Variants in PGS1 observed in about 807,000 individuals in gnomAD.
The protein encoded by PGS1 is CDP-diacylglycerol--glycerol-3-phosphate 3-phosphatidyltransferase, mitochondrial.
In PGS1, 44 loss-of-function variants were observed where a neutral mutation model predicts 58.3. The ratio of observed to expected loss-of-function variants is 0.75; its 90% CI spans 0.59 to 0.97. PGS1 has a LOEUF of 0.97. Ranked by LOEUF, PGS1 falls within the 50% of genes least tolerant of loss-of-function variation. The probability of loss-of-function intolerance (pLI) is 0.00; values close to 1 mark genes in which losing one functional copy is unlikely to be tolerated. For missense variants in PGS1, 684 were observed against 731.1 expected, an observed-to-expected ratio of 0.94 and a Z score of 0.74; for synonymous variants, 330 against 311.0, an observed-to-expected ratio of 1.06 and a Z score of -0.64.
chr17:78,419,915 G>T (rs2085547479), intron 9 of PGS1: 1 of 1,241,002 alleles, frequency 8.1e-7, no homozygotes, highest in Admixed American at 3.4e-5. Flanking sequence ...AGGCGCCTGT[G>T]CTGGGGTCGG....
At chr17:78,396,063 G>A (rs17561950) in intron 2 of PGS1, among the ~76,000 whole-genome samples, 69,174 of 152,162 alleles carry the variant, frequency 0.45, 16,240 homozygotes, top group Admixed American at 0.52. Flanking sequence ...CTTAATGGCC[G>A]TGTTGCATTT....
intron 8 of PGS1, among the ~76,000 whole-genome samples, chr17:78,416,694 G>A (rs1598386094): frequency 6.6e-6 from 1 of 152,352 alleles, no homozygotes; most frequent in East Asian, 1.9e-4. Context: ...GGAGGGTGGA[G>A]GGTGGTAGGT....
chr17:78,423,640 C>G (rs143472261), intron 9 of PGS1: 90 of 443,524 alleles, frequency 2.0e-4, no homozygotes, highest in African/African-American at 1.5e-3. Flanking sequence ...GGGCCTTTCC[C>G]CAAAGCCTGA....
intron 8 of PGS1, among the ~76,000 whole-genome samples, chr17:78,417,780 GGA>G: frequency 6.6e-6 from 1 of 151,900 alleles, no homozygotes; most frequent in Non-Finnish European, 1.5e-5. Flanking sequence ...ACTCAGTGGA[GGA>G]GAGAGGGCTA....
intron 7 of PGS1, among the ~76,000 whole-genome samples, chr17:78,406,235 G>A (rs190099414): frequency 6.6e-6 from 1 of 152,180 alleles, no homozygotes; most frequent in African/African-American, 2.4e-5. Context: ...GGAGAATGGC[G>A]TGAACCCGGG....
In PGS1 at chr17:78,404,108, G is replaced by T; in HGVS notation, c.1402+19G>T. On this transcript the variant is annotated intron_variant, in intron 7 of 9. Transcript: ENST00000262764. ...GCCAAAGGTGCGCAGCGGCTGGCTGGAGGACGTTCCAGTGTGGGACAGCCA... is the reference window on the plus strand; with the variant it reads ...GCCAAAGGTGCGCAGCGGCTGGCTGTAGGACGTTCCAGTGTGGGACAGCCA... 1 of 1,501,886 alleles carries T rather than the reference G, an allele frequency of 6.7e-7. No individual in the cohort carries two copies. 93.0% of individuals were successfully genotyped at this position (1,501,886 alleles called of 1,614,324 possible).
intron 7 of PGS1, among the ~76,000 whole-genome samples, chr17:78,405,172 A>G (rs995086317): frequency 3.3e-5 from 5 of 150,362 alleles, no homozygotes; most frequent in Admixed American, 6.7e-5. Context: ...TAATTTTTGT[A>G]TTTTTAGTAG....
intron 7 of PGS1, among the ~76,000 whole-genome samples, chr17:78,412,973 C>T (rs1409539921): frequency 1.3e-5 from 2 of 152,124 alleles, no homozygotes; most frequent in Admixed American, 6.5e-5. Flanking sequence ...GCTCTGTGTA[C>T]GAGGGGCCAT....
chr17:78,408,488 G>A (rs2084348119), intron 7 of PGS1, among the ~76,000 whole-genome samples: 1 of 152,224 alleles, frequency 6.6e-6, no homozygotes. Flanking sequence ...ATAACCGTAT[G>A]GTTCCTAGGC....
chr17:78,411,006 G>A (rs374044806), intron 7 of PGS1, among the ~76,000 whole-genome samples: 9 of 152,152 alleles, frequency 5.9e-5, no homozygotes, highest in East Asian at 3.9e-4. Flanking sequence ...ATATCGGAAC[G>A]AGCTACGAAG....
intron 1 of PGS1, 136 bp from the exon 2 acceptor site, chr17:78,392,340 A>G (rs2082892724): frequency 3.4e-6 from 2 of 581,180 alleles, no homozygotes; most frequent in East Asian, 3.1e-5. Context: ...AAAATGTTCT[A>G]GAAAATCTGA....
chr17:78,419,494 G>T, intron 8 of PGS1, 52 bp from the exon 9 acceptor site: 5 of 1,514,306 alleles, frequency 3.3e-6, no homozygotes, highest in Non-Finnish European at 4.6e-6. Context: ...CGGCCATGTG[G>T]TGTGGTGCTG....
intron 8 of PGS1, among the ~76,000 whole-genome samples, chr17:78,417,481 G>A (rs1246634276): frequency 6.6e-6 from 1 of 152,170 alleles, no homozygotes; most frequent in Admixed American, 6.5e-5. Context: ...AGGGGGTAAT[G>A]AAGTCGGGGC....
intron 7 of PGS1, among the ~76,000 whole-genome samples, chr17:78,414,213 C>G (rs11867998): frequency 0.014 from 2,121 of 152,288 alleles, 43 homozygotes; most frequent in African/African-American, 0.048. Context: ...CAGAAGGGCA[C>G]AGACGGCCTA....
At chr17:78,381,760 T>C (rs2082052945) in intron 1 of PGS1, among the ~76,000 whole-genome samples, 1 of 152,202 alleles carries the variant, frequency 6.6e-6, no homozygotes, top group Non-Finnish European at 1.5e-5. Flanking sequence ...CGGTTTCCTT[T>C]CAGGCATAGA....
chr17:78,408,251 G>C (rs570698100), intron 7 of PGS1, among the ~76,000 whole-genome samples: 1 of 152,234 alleles, frequency 6.6e-6, no homozygotes, highest in Admixed American at 6.5e-5. Context: ...TTCTTATTTG[G>C]ATTTTTGTAA....
intron 3 of PGS1, among the ~76,000 whole-genome samples, chr17:78,397,675 TGTGC>T (rs1331862286): frequency 3.3e-5 from 5 of 152,078 alleles, no homozygotes; most frequent in Admixed American, 6.5e-5. Context: ...CCTTGGGTGA[TGTGC>T]CCACCTTGGC....
At chr17:78,410,294 TTACA>T (rs1448233799) in intron 7 of PGS1, among the ~76,000 whole-genome samples, 1 of 150,142 alleles carries the variant, frequency 6.7e-6, no homozygotes, top group Admixed American at 6.6e-5. Context: ...CTGGGCATGG[TTACA>T]GCCGCCTGTA....
At chr17:78,389,551 C>T (rs2082663711) in intron 1 of PGS1, among the ~76,000 whole-genome samples, 1 of 151,934 alleles carries the variant, frequency 6.6e-6, no homozygotes, top group South Asian at 2.1e-4. Flanking sequence ...GGACTCCTGA[C>T]CTCAGGTGAT....
Sources: gnomAD v4.1 joint callset for allele counts (sites outside exome capture counted in the v4.1 genomes callset) on GRCh38, gnomAD v4.1.1 for gene constraint, MANE v1.5 for transcripts, NCBI Gene and HGNC (gene_info 2026-07-23, HGNC 2026-07-21) for gene names.